PDE8B: variants seen among roughly 807,000 people sequenced by gnomAD.
PDE8B encodes the protein phosphodiesterase 8B.
PDE8B carries 26 observed loss-of-function variants against 101.3 expected under a neutral mutation model. The ratio of observed to expected loss-of-function variants is 0.26; its 90% CI spans 0.19 to 0.36. The LOEUF (loss-of-function observed/expected upper bound fraction) is 0.36. Ranked by LOEUF, PDE8B falls within the 10% of genes least tolerant of loss-of-function variation. The pLI is 1.00. For missense variants in PDE8B, 810 were observed against 1,163.1 expected (o/e 0.70, Z 4.42); for synonymous variants, 424 against 429.3 (o/e 0.99, Z 0.15).
chr5:77,107,269 T>C, the PDE8B span, among the ~76,000 whole-genome samples: 2 of 152,236 alleles, frequency 1.3e-5, no homozygotes, highest in African/African-American at 4.8e-5. Context: ...CCTTGGTGTG[T>C]ATGTGCCACA....
At chr5:77,382,745 T>C (rs1388100740) in intron 10 of PDE8B, among the ~76,000 whole-genome samples, 1 of 152,132 alleles carries the variant, frequency 6.6e-6, no homozygotes, top group Non-Finnish European at 1.5e-5. Flanking sequence ...AGCTTCATGT[T>C]CCTGCAGAGG....
chr5:77,336,662 T>C (rs1020859232), intron 5 of PDE8B, among the ~76,000 whole-genome samples: 6 of 152,246 alleles, frequency 3.9e-5, no homozygotes, highest in Admixed American at 2.6e-4. Flanking sequence ...CTTTTGGCTA[T>C]GGTGAATGAT....
rs1794596699 is a variant in PDE8B, at chr5:77,411,698, G to C, written c.1553G>C (p.Gly518Ala). Reference protein sequence around the residue: ...LMTDGLRRLSGNEYVFTKNVH... With the variant: ...LMTDGLRRLSANEYVFTKNVH... ...CAGGACGGCTTGAGAAGACTGTCAG[G>C]AAACGAGTATGTGTTTACTAAGAGT... is the stretch of plus-strand genomic sequence containing the variant. Residue 518 changes from glycine to alanine, a missense_variant, in exon 15 of 22, where the codon GGA (glycine) becomes GCA (alanine). Gly to Ala is a moderately conservative substitution (Grantham distance 60). Transcript: ENST00000264917. 1 of 1,612,016 alleles carries C rather than the reference G, an allele frequency of 6.2e-7. No homozygotes were observed. The highest frequency in any genetic ancestry group is 1.3e-5 in the African/African-American group (1 of 74,852).
intron 10 of PDE8B, among the ~76,000 whole-genome samples, chr5:77,387,990 G>C (rs1489396052): frequency 1.3e-5 from 2 of 151,900 alleles, no homozygotes; most frequent in Non-Finnish European, 2.9e-5. Flanking sequence ...CTTTTTTCAA[G>C]GTTCTTAGTT....
chr5:77,272,151 G>A (rs1580715399), intron 1 of PDE8B, among the ~76,000 whole-genome samples: 4 of 152,180 alleles, frequency 2.6e-5, no homozygotes, highest in African/African-American at 2.4e-5. Context: ...GGAGCATGCC[G>A]AGGGCAGAGG....
At position 77,353,332 on chromosome 5, in the gene PDE8B, T is replaced by G. The variant is rs1411945859; in HGVS notation, c.1107-14T>G. ...TCATATCTGACTCACTAATAACTGA[T>G]TATTTGTTATTAGGAAAATTAGGCA... On this transcript the variant is annotated splice_polypyrimidine_tract_variant and intron_variant, in intron 9 of 21. Coordinates refer to ENST00000264917, the MANE Select transcript of PDE8B (RefSeq NM_003719.5). The G allele has an allele frequency of 6.9e-7, 1 of 1,446,202 alleles. No individual in the cohort carries two copies. The highest frequency in any genetic ancestry group is 9.7e-7 in the Non-Finnish European group (1 of 1,026,852). The allele number at this position is 1,446,202 out of a possible 1,614,324, so 89.6% of individuals were successfully genotyped here. A position where few individuals can be genotyped will look rare whatever the true frequency, so the allele number is the denominator to read the frequency against.
chr5:77,277,576 CT>C (rs2149819400), intron 1 of PDE8B, among the ~76,000 whole-genome samples: 1 of 152,328 alleles, frequency 6.6e-6, no homozygotes, highest in Admixed American at 6.5e-5. Flanking sequence ...AAAATGTAGG[CT>C]TACTTTTAAG....
intron 1 of PDE8B, among the ~76,000 whole-genome samples, chr5:77,212,448 T>TG (rs1160452645): frequency 6.9e-6 from 1 of 145,382 alleles, no homozygotes; most frequent in Non-Finnish European, 1.5e-5. Context: ...TTAATGAACC[T>TG]ATTTTTTTTT....
chr5:77,285,681 G>A (rs1765863319), intron 1 of PDE8B, among the ~76,000 whole-genome samples: 1 of 151,756 alleles, frequency 6.6e-6, no homozygotes. Context: ...TTTCCCAAAT[G>A]CTTTTATCTC....
rs1343630678 is a variant in PDE8B, at chr5:77,426,654, G to T, written c.*100G>T. On this transcript the variant is annotated 3_prime_UTR_variant, in exon 22 of 22. Coordinates refer to ENST00000264917, the MANE Select transcript of PDE8B (RefSeq NM_003719.5). The stretch of plus-strand genomic sequence containing the variant: ...CTTTCTAATGACAATGACAGGTATT[G>T]GTGAAGGAGCTAATGTTTAATATTT... 10 of 730,072 alleles carry T rather than the reference G, an allele frequency of 1.4e-5. No individual in the cohort carries two copies. Among genetic ancestry groups the T allele is most frequent in the Non-Finnish European group, 2.5e-5 (10 of 396,824 alleles). 45.2% of individuals were successfully genotyped at this position (730,072 alleles called of 1,614,324 possible).
At chr5:77,242,729 T>G (rs1252741847) in intron 1 of PDE8B, among the ~76,000 whole-genome samples, 10 of 152,202 alleles carry the variant, frequency 6.6e-5, no homozygotes, top group Admixed American at 6.5e-4. Context: ...TGGAGTGCAG[T>G]GGCACAGTCT....
intron 1 of PDE8B, among the ~76,000 whole-genome samples, chr5:77,264,135 G>T (rs956859012): frequency 3.3e-5 from 5 of 152,104 alleles, no homozygotes; most frequent in African/African-American, 9.7e-5. Context: ...TCTTATTTCT[G>T]AATTATTTTC....
intron 14 of PDE8B, 44 bp downstream of exon 14, chr5:77,409,101 G>A (rs779211853): frequency 6.5e-7 from 1 of 1,541,834 alleles, no homozygotes; most frequent in South Asian, 1.1e-5. Context: ...AGGTATCCGG[G>A]GCCTCTAGAG....
intron 1 of PDE8B, among the ~76,000 whole-genome samples, chr5:77,238,678 T>C (rs1319752250): frequency 6.6e-6 from 1 of 152,210 alleles, no homozygotes; most frequent in Non-Finnish European, 1.5e-5. Context: ...AGAATTCTCA[T>C]GATCTGACAT....
chr5:77,246,043 G>A (rs1328483019), intron 1 of PDE8B, among the ~76,000 whole-genome samples: 1 of 151,804 alleles, frequency 6.6e-6, no homozygotes, highest in Non-Finnish European at 1.5e-5. Flanking sequence ...GTAGAGATGG[G>A]TTCTTATTAT....
At chr5:77,373,495 C>T (rs1051034543) in intron 10 of PDE8B, among the ~76,000 whole-genome samples, 5 of 152,154 alleles carry the variant, frequency 3.3e-5, no homozygotes, top group African/African-American at 4.8e-5. Flanking sequence ...TATTCTTTCC[C>T]TCCTGACCCT....
At chr5:77,417,689 A>G (rs1419972897) in intron 17 of PDE8B, among the ~76,000 whole-genome samples, 1 of 152,176 alleles carries the variant, frequency 6.6e-6, no homozygotes, top group Non-Finnish European at 1.5e-5. Context: ...CTTATTTGCA[A>G]GAACCCCTTT....
intron 10 of PDE8B, among the ~76,000 whole-genome samples, chr5:77,360,658 A>G (rs1417876978): frequency 6.6e-6 from 1 of 152,212 alleles, no homozygotes; most frequent in Non-Finnish European, 1.5e-5. Flanking sequence ...TTGCTAGAAT[A>G]GAATCCCTGG....
chr5:77,311,210 G>A (rs1772531559), intron 1 of PDE8B, among the ~76,000 whole-genome samples: 1 of 152,136 alleles, frequency 6.6e-6, no homozygotes, highest in South Asian at 2.1e-4. Context: ...TTAGTCTAGA[G>A]AATAGTCACT....
Sources: gnomAD v4.1 joint callset for allele counts (sites outside exome capture counted in the v4.1 genomes callset) on GRCh38, gnomAD v4.1.1 for gene constraint, MANE v1.5 for transcripts, NCBI Gene and HGNC (gene_info 2026-07-23, HGNC 2026-07-21) for gene names.